NEK7: variants seen among roughly 807,000 people sequenced by gnomAD.
The protein encoded by NEK7 is serine/threonine-protein kinase Nek7.
NEK7 carries 18 observed loss-of-function variants against 44.6 expected under a neutral mutation model. The ratio of observed to expected loss-of-function variants is 0.40; its 90% CI spans 0.28 to 0.60. The LOEUF is 0.60. NEK7 is among the 20% of genes least tolerant of loss of function. The probability of loss-of-function intolerance (pLI) is 0.38; values close to 1 mark genes in which losing one functional copy is unlikely to be tolerated. For synonymous variants in NEK7, 130 were observed against 121.1 expected, an observed-to-expected ratio of 1.07 and a Z score of -0.48; for missense variants, 256 against 366.5, an observed-to-expected ratio of 0.70 and a Z score of 2.46.
intron 9 of NEK7, among the ~76,000 whole-genome samples, chr1:198,312,469 G>T (rs902158270): frequency 2.0e-5 from 3 of 151,750 alleles, no homozygotes; most frequent in African/African-American, 7.3e-5. Context: ...GTTATTTCTT[G>T]CCTTGTGCTA....
At chr1:198,185,215 G>GTTTTTTTTTTT (rs1664884603) in intron 1 of NEK7, among the ~76,000 whole-genome samples, 1 of 75,510 alleles carries the variant, frequency 1.3e-5, no homozygotes, top group Non-Finnish European at 2.5e-5. Flanking sequence ...TTTTTTTTTG[G>GTTTTTTTTTTT]TCAGAAGAGA....
In NEK7 at chr1:198,321,241, GT is replaced by G. The variant is rs1268463987; in HGVS notation, c.*1722del. Reference sequence around the variant, plus strand: ...TCTGAAATCTAATCAGTTATGTATGGTTTCTGAAGGGTAATTTTATTTTGGA... The same window carrying G: ...TCTGAAATCTAATCAGTTATGTATGGTTCTGAAGGGTAATTTTATTTTGGA... On this transcript the variant is annotated 3_prime_UTR_variant, in exon 10 of 10. Transcript: ENST00000367385. 9.9e-5 allele frequency: 15 copies of G among 152,158 alleles called. No individual in the cohort carries two copies. The highest frequency in any genetic ancestry group is 9.8e-4 in the Admixed American group (15 of 15,266). 9.4% of individuals were successfully genotyped at this position (152,158 alleles called of 1,614,324 possible).
At chr1:198,219,684 A>T (rs904093192) in intron 1 of NEK7, among the ~76,000 whole-genome samples, 3 of 152,000 alleles carry the variant, frequency 2.0e-5, no homozygotes, top group Admixed American at 6.6e-5. Flanking sequence ...TCATTATTGT[A>T]TAAAATAAGT....
At chr1:198,218,851 A>G (rs915441172) in intron 1 of NEK7, among the ~76,000 whole-genome samples, 68 of 152,188 alleles carry the variant, frequency 4.5e-4, no homozygotes, top group African/African-American at 1.3e-3. Flanking sequence ...TTAAAACCAC[A>G]ATGAGATACC....
chr1:198,291,309 A>G (rs1008992489), intron 7 of NEK7, among the ~76,000 whole-genome samples: 2 of 152,102 alleles, frequency 1.3e-5, no homozygotes, highest in Admixed American at 1.3e-4. Context: ...TATTATTCCA[A>G]CTGTACCTAC....
chr1:198,316,207 G>A (rs1188850007), intron 9 of NEK7, among the ~76,000 whole-genome samples: 3 of 152,172 alleles, frequency 2.0e-5, no homozygotes, highest in Non-Finnish European at 2.9e-5. Flanking sequence ...CAACCATACT[G>A]GAGGAAGGGA....
chr1:198,238,651 AC>A (rs932850013), intron 2 of NEK7, among the ~76,000 whole-genome samples: 5 of 152,174 alleles, frequency 3.3e-5, no homozygotes, highest in African/African-American at 1.2e-4. Context: ...TCTTTTTTAC[AC>A]ATTACAAATG....
chr1:198,167,451 T>C (rs1035834281), intron 1 of NEK7, among the ~76,000 whole-genome samples: 1 of 152,154 alleles, frequency 6.6e-6, no homozygotes, highest in African/African-American at 2.4e-5. Flanking sequence ...CTCATTAACA[T>C]GATGATGATA....
At chr1:198,314,431 C>G (rs538065594) in intron 9 of NEK7, among the ~76,000 whole-genome samples, 1 of 152,238 alleles carries the variant, frequency 6.6e-6, no homozygotes, top group Non-Finnish European at 1.5e-5. Flanking sequence ...CTTCTCTCAG[C>G]TTGTCAAAGT....
At chr1:198,304,722 C>A (rs1654977692) in intron 9 of NEK7, among the ~76,000 whole-genome samples, 1 of 152,116 alleles carries the variant, frequency 6.6e-6, no homozygotes, top group African/African-American at 2.4e-5. Flanking sequence ...TGGTATCAAC[C>A]TATTTGCTTT....
intron 9 of NEK7, among the ~76,000 whole-genome samples, chr1:198,299,969 A>G (rs1558101387): frequency 6.6e-6 from 1 of 152,206 alleles, no homozygotes; most frequent in Admixed American, 6.5e-5. Context: ...TTTTCTTTTG[A>G]ATTATGTGAG....
At chr1:198,286,051 T>C (rs1418515991) in intron 7 of NEK7, among the ~76,000 whole-genome samples, 3 of 152,172 alleles carry the variant, frequency 2.0e-5, no homozygotes, top group Non-Finnish European at 4.4e-5. Flanking sequence ...TCTGGATCAA[T>C]AAATCTGCAG....
intron 7 of NEK7, among the ~76,000 whole-genome samples, chr1:198,289,771 A>G (rs1203827337): frequency 2.6e-5 from 4 of 152,210 alleles, no homozygotes; most frequent in Admixed American, 1.3e-4. Context: ...CATAATAGCA[A>G]CATGTTAGCA....
chr1:198,308,242 C>T (rs1004525885), intron 9 of NEK7, among the ~76,000 whole-genome samples: 5 of 152,110 alleles, frequency 3.3e-5, no homozygotes, highest in African/African-American at 1.2e-4. Flanking sequence ...ATATAGGTTA[C>T]AACTTTTTAC....
chr1:198,224,650 T>TTATA (rs200229636), intron 1 of NEK7, among the ~76,000 whole-genome samples: 8 of 151,566 alleles, frequency 5.3e-5, no homozygotes, highest in African/African-American at 1.9e-4. Context: ...GCTATTTATT[T>TTATA]TATATATATA....
chr1:198,216,985 C>G (rs1415365131), intron 1 of NEK7, among the ~76,000 whole-genome samples: 3 of 151,836 alleles, frequency 2.0e-5, no homozygotes, highest in Non-Finnish European at 4.4e-5. Flanking sequence ...AAAAATAAGC[C>G]CAGGGCCACA....
intron 5 of NEK7, among the ~76,000 whole-genome samples, chr1:198,272,071 A>G (rs935458960): frequency 2.0e-5 from 3 of 151,362 alleles, no homozygotes; most frequent in East Asian, 1.9e-4. Flanking sequence ...TTTAAGAGCA[A>G]TGTTACAGAT....
Position 198,217,197 on chromosome 1 carries a change from C to T in NEK7, c.-28-15356C>T, listed in dbSNP as rs527795662. Among the ~76,000 whole-genome samples, 142 of 152,156 alleles carry T rather than the reference C, an allele frequency of 9.3e-4. 2 individuals carry two copies. Among genetic ancestry groups the T allele is most frequent in the Middle Eastern group, 3.4e-3 (1 of 294 alleles). ...ATCTGTAAAACACAGATGCAAAAAT[C>T]CTCAACAGAGTGTTAGCAAACCAAA... is the stretch of plus-strand genomic sequence containing the variant. On this transcript the variant is annotated intron_variant, in intron 1 of 9. Coordinates refer to ENST00000367385, the MANE Select transcript of NEK7 (RefSeq NM_133494.3).
At chr1:198,287,100 A>C (rs1011528178) in intron 7 of NEK7, among the ~76,000 whole-genome samples, 2 of 152,202 alleles carry the variant, frequency 1.3e-5, no homozygotes, top group African/African-American at 4.8e-5. Flanking sequence ...TAATAGACTA[A>C]TTTAATAGAC....
Sources: gnomAD v4.1 joint callset for allele counts (sites outside exome capture counted in the v4.1 genomes callset) on GRCh38, gnomAD v4.1.1 for gene constraint, MANE v1.5 for transcripts, NCBI Gene and HGNC (gene_info 2026-07-23, HGNC 2026-07-21) for gene names.